Variants in SNX29 observed in about 807,000 individuals in gnomAD.
SNX29 encodes the protein sorting nexin-29.
SNX29 carries 78 observed loss-of-function variants against 102.1 expected under a neutral mutation model. The ratio of observed to expected loss-of-function variants is 0.76; its 90% CI spans 0.64 to 0.92. The LOEUF is 0.92. Ranked by LOEUF, SNX29 falls within the 40% of genes least tolerant of loss-of-function variation. The pLI is 0.00. For synonymous variants in SNX29, 580 were observed against 414.5 expected, an observed-to-expected ratio of 1.40 and a Z score of -4.85; for missense variants, 1,280 against 1,061.7, an observed-to-expected ratio of 1.21 and a Z score of -2.86.
chr16:12,364,161 T>TATGTTATGTTATGTTA (rs376565121), intron 16 of SNX29, among the ~76,000 whole-genome samples: 75 of 138,384 alleles, frequency 5.4e-4, no homozygotes, highest in African/African-American at 2.0e-3. Flanking sequence ...CCTGGCTTGT[T>TATGTTATGTTATGTTA]TGTTATGTTA....
chr16:12,001,222 C>T (rs1268972934), intron 2 of SNX29, among the ~76,000 whole-genome samples: 4 of 152,078 alleles, frequency 2.6e-5, no homozygotes, highest in African/African-American at 4.8e-5. Context: ...AGTGATTCTG[C>T]TGCCTCAGCC....
chr16:12,037,869 C>T (rs1393426002), intron 4 of SNX29, among the ~76,000 whole-genome samples: 3 of 151,948 alleles, frequency 2.0e-5, no homozygotes, highest in Non-Finnish European at 4.4e-5. Context: ...ATGGGAAGAT[C>T]GCTTGAGCCC....
intron 8 of SNX29, among the ~76,000 whole-genome samples, chr16:12,053,989 A>T (rs1184723151): frequency 6.7e-6 from 1 of 148,726 alleles, no homozygotes; most frequent in Admixed American, 6.7e-5. Context: ...TTTTTTTGAG[A>T]CAGAGTCTTG....
intron 16 of SNX29, chr16:12,373,099 GT>G (rs1451133523): frequency 6.6e-6 from 1 of 152,152 alleles, no homozygotes; most frequent in Non-Finnish European, 1.5e-5. Context: ...TCTTTTTAGA[GT>G]CTTCATGTCC....
At chr16:12,511,580 C>T (rs903520621) in intron 19 of SNX29, among the ~76,000 whole-genome samples, 1 of 152,152 alleles carries the variant, frequency 6.6e-6, no homozygotes, top group Non-Finnish European at 1.5e-5. Flanking sequence ...GACATGCTTT[C>T]CTCCCTGTGT....
At chr16:12,391,228 G>C (rs1480292133) in intron 16 of SNX29, among the ~76,000 whole-genome samples, 1 of 152,032 alleles carries the variant, frequency 6.6e-6, no homozygotes, top group Non-Finnish European at 1.5e-5. Flanking sequence ...TTACAAGCAT[G>C]AGCCACCATG....
At chr16:12,559,579 C>T (rs1025967176) in intron 20 of SNX29, among the ~76,000 whole-genome samples, 1 of 151,900 alleles carries the variant, frequency 6.6e-6, no homozygotes, top group Non-Finnish European at 1.5e-5. Context: ...CATAACTCAT[C>T]CCTGGTGCCA....
At chr16:12,479,379 T>C (rs758656445) in intron 19 of SNX29, among the ~76,000 whole-genome samples, 5 of 152,346 alleles carry the variant, frequency 3.3e-5, no homozygotes, top group Admixed American at 1.3e-4. Context: ...GGGAATTTCA[T>C]AGGGAAATCT....
intron 18 of SNX29, among the ~76,000 whole-genome samples, chr16:12,424,032 G>C (rs2084964557): frequency 6.6e-6 from 1 of 152,234 alleles, no homozygotes; most frequent in South Asian, 2.1e-4. Flanking sequence ...TGGTTGGCCA[G>C]AGGGAATCAG....
intron 13 of SNX29, among the ~76,000 whole-genome samples, chr16:12,138,905 T>C (rs2054761434): frequency 6.6e-6 from 1 of 152,054 alleles, no homozygotes; most frequent in South Asian, 2.1e-4. Flanking sequence ...ACTACAGGAA[T>C]ACAGAAGGCT....
chr16:12,477,528 T>G (rs1248142528), intron 18 of SNX29, among the ~76,000 whole-genome samples, 191 bp from the exon 19 acceptor site: 1 of 152,204 alleles, frequency 6.6e-6, no homozygotes, highest in African/African-American at 2.4e-5. Flanking sequence ...GATTTAGTCA[T>G]TCTTGCCTGT....
At chr16:12,300,222 C>G (rs114795821) in intron 15 of SNX29, among the ~76,000 whole-genome samples, 1 of 152,168 alleles carries the variant, frequency 6.6e-6, no homozygotes, top group East Asian at 1.9e-4. Context: ...AGCCAAGTAA[C>G]GTAATCTCCA....
chr16:12,237,188 G>A (rs1021276548), intron 14 of SNX29, among the ~76,000 whole-genome samples: 2 of 152,168 alleles, frequency 1.3e-5, no homozygotes, highest in African/African-American at 4.8e-5. Flanking sequence ...GCGAAGCTCT[G>A]TCCACCCCCG....
At chr16:12,328,880 C>G (rs982063591) in intron 15 of SNX29, among the ~76,000 whole-genome samples, 1 of 152,116 alleles carries the variant, frequency 6.6e-6, no homozygotes, top group African/African-American at 2.4e-5. Context: ...GATGTGGGAG[C>G]TGAAGCGATG....
intron 13 of SNX29, among the ~76,000 whole-genome samples, chr16:12,139,446 A>G (rs965524122): frequency 5.3e-5 from 8 of 152,162 alleles, no homozygotes; most frequent in Non-Finnish European, 1.0e-4. Context: ...GCTCAGTCAT[A>G]TTGGCTAAAT....
At chr16:12,542,735 A>T (rs533013870) in intron 20 of SNX29, among the ~76,000 whole-genome samples, 6,858 of 150,884 alleles carry the variant, frequency 0.045, 271 homozygotes, top group East Asian at 0.18. Context: ...AATCTTGTGC[A>T]TATAAGCACT....
chr16:12,572,783 C>CT lies in SNX29; in HGVS notation c.*4155dup, dbSNP rs2079215655. On this transcript the variant is annotated 3_prime_UTR_variant, in exon 21 of 21. Coordinates refer to ENST00000566228, the MANE Select transcript of SNX29 (RefSeq NM_032167.5). ...GGGACCCGAGGAAGACCCCACCTCA[C>CT]TCCTCCTTCCCCAGTACATCAGACT... 1 of 1,063,460 alleles carries CT rather than the reference C, an allele frequency of 9.4e-7. No individual in the cohort carries two copies. Among genetic ancestry groups the CT allele is most frequent in the African/African-American group, 1.6e-5 (1 of 60,968 alleles). 65.9% of individuals were successfully genotyped at this position (1,063,460 alleles called of 1,614,324 possible).
intron 20 of SNX29, among the ~76,000 whole-genome samples, chr16:12,540,602 A>G (rs973026503): frequency 4.6e-5 from 7 of 152,092 alleles, no homozygotes; most frequent in Non-Finnish European, 1.0e-4. Flanking sequence ...GGACCCTGAG[A>G]TTCCATGGGG....
chr16:12,418,041 A>G (rs1246085969), intron 18 of SNX29, among the ~76,000 whole-genome samples: 2 of 152,120 alleles, frequency 1.3e-5, no homozygotes. Flanking sequence ...ACCACATGCA[A>G]ATGCATGTGG....
Sources: gnomAD v4.1 joint callset for allele counts (sites outside exome capture counted in the v4.1 genomes callset) on GRCh38, gnomAD v4.1.1 for gene constraint, MANE v1.5 for transcripts, NCBI Gene and HGNC (gene_info 2026-07-23, HGNC 2026-07-21) for gene names.